Variants in MYBPC1 observed in about 807,000 individuals in gnomAD.
MYBPC1 encodes myosin binding protein C1, also known as myosin-binding protein C, slow-type.
In MYBPC1, 52 loss-of-function variants were observed where a neutral mutation model predicts 147.1. The ratio of observed to expected loss-of-function variants is 0.35; its 90% CI spans 0.28 to 0.45. The LOEUF is 0.45. Ranked by LOEUF, MYBPC1 falls within the 20% of genes least tolerant of loss-of-function variation. MYBPC1 has a pLI of 1.00. For missense variants in MYBPC1, 1,228 were observed against 1,440.3 expected (o/e 0.85, Z 2.39); for synonymous variants, 477 against 475.9 (o/e 1.00, Z -0.03).
chr12:101,603,083 G>A (rs1301193087), intron 1 of MYBPC1, among the ~76,000 whole-genome samples: 1 of 152,184 alleles, frequency 6.6e-6, no homozygotes, highest in East Asian at 1.9e-4. Context: ...GGTGGCTCAT[G>A]CCTATAATCC....
chr12:101,652,637 A>G, intron 16 of MYBPC1, 41 bp from the exon 17 acceptor site: 1 of 1,428,714 alleles, frequency 7.0e-7, no homozygotes, highest in Non-Finnish European at 9.9e-7. Context: ...TATAAACTAG[A>G]TCTTTGGAGT....
At position 101,673,484 on chromosome 12, in the gene MYBPC1, C is replaced by G; in HGVS notation, c.2671C>G (p.Gln891Glu). Reference sequence around the variant, plus strand: ...GGATGGTGCAGAAATTGATAAGAATCAAATAAACATTCGCAACTCTGAGAC... The same window carrying G: ...GGATGGTGCAGAAATTGATAAGAATGAAATAAACATTCGCAACTCTGAGAC... Reference protein sequence around the residue: ...KKDGAEIDKNQINIRNSETDT... With the variant: ...KKDGAEIDKNEINIRNSETDT... The change falls in exon 25 of 32, where the codon CAA (glutamine) becomes GAA (glutamate). Residue 891 changes from glutamine (Q) to glutamate (E), a missense_variant. By Grantham distance (29) the Gln-to-Glu change is conservative. Transcript: ENST00000361466. 6.2e-7 allele frequency: 1 copy of G among 1,613,772 alleles called. No individual in the cohort carries two copies. The highest frequency in any genetic ancestry group is 1.1e-5 in the South Asian group (1 of 91,056).
At chr12:101,683,540 CA>C (rs575507747) in intron 30 of MYBPC1, among the ~76,000 whole-genome samples, 418 of 152,308 alleles carry the variant, frequency 2.7e-3, no homozygotes, top group Non-Finnish European at 4.6e-3. Context: ...TGGACATTTT[CA>C]TGGGGACTCA....
At chr12:101,622,586 T>G (rs1305881285) in intron 3 of MYBPC1, among the ~76,000 whole-genome samples, 1 of 151,918 alleles carries the variant, frequency 6.6e-6, no homozygotes, top group Non-Finnish European at 1.5e-5. Flanking sequence ...AATACAAAAA[T>G]TAGCCAGGCA....
chr12:101,637,843 G>A (rs1375804549), intron 10 of MYBPC1, among the ~76,000 whole-genome samples: 1 of 152,202 alleles, frequency 6.6e-6, no homozygotes, highest in African/African-American at 2.4e-5. Context: ...ATTAATGGGT[G>A]TGATTTATTA....
intron 6 of MYBPC1, 85 bp from the exon 7 acceptor site, chr12:101,631,486 C>A (rs2136051760): frequency 7.0e-7 from 1 of 1,422,156 alleles, no homozygotes; most frequent in Non-Finnish European, 9.9e-7. Flanking sequence ...TTCTGTAGTG[C>A]AGTCCCATGT....
At chr12:101,651,990 A>G (rs1047856006) in intron 16 of MYBPC1, among the ~76,000 whole-genome samples, 2 of 152,184 alleles carry the variant, frequency 1.3e-5, no homozygotes, top group East Asian at 1.9e-4. Flanking sequence ...CTAATTGAGG[A>G]CCTGATCAAA....
intron 10 of MYBPC1, among the ~76,000 whole-genome samples, chr12:101,640,790 A>T (rs576365027): frequency 7.2e-5 from 11 of 152,266 alleles, no homozygotes; most frequent in East Asian, 3.9e-4. Flanking sequence ...TATTTTATCC[A>T]TGATTACAAC....
chr12:101,687,652 A>G (rs564948662), downstream of MYBPC1, among the ~76,000 whole-genome samples: 24 of 152,232 alleles, frequency 1.6e-4, no homozygotes, highest in Non-Finnish European at 3.4e-4. Flanking sequence ...AACCAAAGAA[A>G]TGACAATGTG....
chr12:101,682,008 G>A (rs950445605), intron 29 of MYBPC1, among the ~76,000 whole-genome samples: 15 of 151,718 alleles, frequency 9.9e-5, no homozygotes, highest in Non-Finnish European at 2.2e-4. Flanking sequence ...ACAAATATAA[G>A]GCATATAATA....
chr12:101,655,311 C>A lies in MYBPC1; in HGVS notation c.1767+2063C>A, dbSNP rs186726333. 2.6e-5 allele frequency among the ~76,000 whole-genome samples: 4 copies of A among 152,070 alleles called. No homozygotes were observed. In the East Asian group the frequency reaches 7.7e-4, roughly 29 times the overall value. On this transcript the variant is annotated intron_variant, in intron 18 of 31. Transcript: ENST00000361466. ...AAATATAAAAAGATCCAAATCTAAT[C>A]ACCTACAGATGAAAGCAATAAAATG...
chr12:101,638,744 C>T (rs1484744183), intron 10 of MYBPC1, among the ~76,000 whole-genome samples: 5 of 152,160 alleles, frequency 3.3e-5, no homozygotes, highest in Admixed American at 3.3e-4. Context: ...AATCTAATTA[C>T]ATAGTCAAAA....
intron 1 of MYBPC1, among the ~76,000 whole-genome samples, chr12:101,614,103 G>A (rs1346900663): frequency 6.6e-6 from 1 of 152,088 alleles, no homozygotes; most frequent in East Asian, 1.9e-4. Flanking sequence ...GCCCATATAA[G>A]ATGCGGCCAT....
rs1292720347 is a variant in MYBPC1, at chr12:101,626,876, A to G, written c.108A>G (p.Glu36=). 6.2e-7 allele frequency: 1 copy of G among 1,612,454 alleles called. No individual in the cohort carries two copies. ...KEAGTTPAKD[E]EEVSPPSALP... ...TACTCCTATTTCTTGTTTCAGATGA[A>G]GAGGAAGTCTCCCCGCCTAGCGCCT... is the stretch of plus-strand genomic sequence containing the variant. Residue 36 remains glutamate (E), a synonymous_variant, in exon 4 of 32, where the codon GAA becomes GAG. Transcript: ENST00000361466.
At chr12:101,646,944 G>GATA (rs1374481545) in intron 13 of MYBPC1, 57 bp downstream of exon 13, 2 of 1,599,850 alleles carry the variant, frequency 1.3e-6, no homozygotes, top group African/African-American at 2.7e-5. Context: ...TTCTCCCAGG[G>GATA]ATAATGATCA....
intron 5 of MYBPC1, chr12:101,628,956 G>GTGTAGATCT: frequency 9.3e-6 from 2 of 216,196 alleles, no homozygotes; most frequent in South Asian, 8.2e-5. Context: ...GAAATACCAG[G>GTGTAGATCT]CCAGGCTTGG....
intron 30 of MYBPC1, among the ~76,000 whole-genome samples, 189 bp from the exon 31 acceptor site, chr12:101,684,193 C>T (rs575551482): frequency 2.4e-4 from 37 of 152,238 alleles, no homozygotes; most frequent in East Asian, 9.6e-4. Context: ...ATCCTTTTGA[C>T]GTGACTGGAT....
At chr12:101,677,968 A>G in intron 27 of MYBPC1, 134 bp from the exon 28 acceptor site, 1 of 1,130,696 alleles carries the variant, frequency 8.8e-7, no homozygotes, top group Non-Finnish European at 1.3e-6. Context: ...TGTTTGCCAC[A>G]TGGCATTTGC....
intron 8 of MYBPC1, among the ~76,000 whole-genome samples, chr12:101,633,998 G>A (rs369416746): frequency 1.8e-4 from 27 of 151,468 alleles, no homozygotes; most frequent in African/African-American, 6.3e-4. Context: ...CCGGGTTCAC[G>A]CCATTCTCCT....
Sources: gnomAD v4.1 joint callset for allele counts (sites outside exome capture counted in the v4.1 genomes callset) on GRCh38, gnomAD v4.1.1 for gene constraint, MANE v1.5 for transcripts, NCBI Gene and HGNC (gene_info 2026-07-23, HGNC 2026-07-21) for gene names.